Variants in TRPC6 observed in about 807,000 individuals in gnomAD.
TRPC6 encodes the protein transient receptor potential cation channel subfamily C member 6.
In TRPC6, 55 loss-of-function variants were observed where a neutral mutation model predicts 90.7. The observed-to-expected ratio is 0.61, with a 90% CI of 0.49 to 0.76. The LOEUF (loss-of-function observed/expected upper bound fraction) is 0.76. Ranked by LOEUF, TRPC6 falls within the 30% of genes least tolerant of loss-of-function variation. The pLI is 0.00. For missense variants in TRPC6, 989 were observed against 1,122.7 expected (o/e 0.88, Z 1.70); for synonymous variants, 393 against 393.0 (o/e 1.00, Z 0.00).
At chr11:101,573,701 C>G (rs1212674583) in intron 1 of TRPC6, among the ~76,000 whole-genome samples, 1 of 152,144 alleles carries the variant, frequency 6.6e-6, no homozygotes, top group Non-Finnish European at 1.5e-5. Context: ...ACACATATTT[C>G]TCCCATTTTA....
At position 101,558,580 on chromosome 11, in the gene TRPC6, C is replaced by T. The variant is rs115197461; in HGVS notation, c.170+24754G>A. Among the ~76,000 whole-genome samples the T allele has an allele frequency of 2.2e-3, 334 of 151,368 alleles. 7 individuals are homozygous for T. The highest frequency in any genetic ancestry group is 7.6e-3 in the African/African-American group (311 of 41,126). On this transcript the variant is annotated intron_variant, in intron 1 of 12. Coordinates refer to ENST00000344327, the MANE Select transcript of TRPC6 (RefSeq NM_004621.6). ...TGATTTTTTGTGTGTTTGTTTGGGA[C>T]AGGGTCTTGCTCTGTCACCCAAGCT...
chr11:101,517,266 A>C (rs1366870093), intron 1 of TRPC6, among the ~76,000 whole-genome samples: 3 of 152,246 alleles, frequency 2.0e-5, no homozygotes, highest in African/African-American at 7.2e-5. Context: ...CCATAAAGCA[A>C]ATCTAGTTGA....
At chr11:101,458,928 A>G (rs1334228041) in intron 10 of TRPC6, among the ~76,000 whole-genome samples, 2 of 152,218 alleles carry the variant, frequency 1.3e-5, no homozygotes, top group Non-Finnish European at 2.9e-5. Flanking sequence ...CATAAGCCAT[A>G]TGAGTTGGGT....
At chr11:101,513,593 T>C (rs977077529) in intron 1 of TRPC6, among the ~76,000 whole-genome samples, 2 of 151,626 alleles carry the variant, frequency 1.3e-5, no homozygotes, top group African/African-American at 4.9e-5. Context: ...AAAAAAATGG[T>C]AAGTGTATTT....
At chr11:101,537,100 A>G (rs1368837960) in intron 1 of TRPC6, among the ~76,000 whole-genome samples, 10 of 152,238 alleles carry the variant, frequency 6.6e-5, no homozygotes, top group Admixed American at 6.5e-4. Context: ...CATTTGGAGT[A>G]CTTTGGGATA....
intron 1 of TRPC6, among the ~76,000 whole-genome samples, chr11:101,564,518 A>G (rs1475540560): frequency 6.6e-6 from 1 of 152,166 alleles, no homozygotes; most frequent in Non-Finnish European, 1.5e-5. Context: ...TGGAGGCATC[A>G]TTGTCTTCCT....
At chr11:101,545,890 T>G (rs1861291247) in intron 1 of TRPC6, among the ~76,000 whole-genome samples, 1 of 152,086 alleles carries the variant, frequency 6.6e-6, no homozygotes, top group South Asian at 2.1e-4. Context: ...TTCTGGTGTT[T>G]TCTGGTTTTC....
chr11:101,573,883 A>AAAAAATCAGAAACCGTCTGAACTATCCTG (rs1555015109), intron 1 of TRPC6, among the ~76,000 whole-genome samples: 20 of 150,362 alleles, frequency 1.3e-4, no homozygotes, highest in African/African-American at 3.2e-4. Flanking sequence ...AATCCTGGGA[A>AAAAAATCAGAAACCGTCTGAACTATCCTG]CAGTAGTGAA....
intron 3 of TRPC6, 57 bp from the exon 4 acceptor site, chr11:101,489,158 G>T: frequency 1.4e-6 from 2 of 1,477,282 alleles, no homozygotes; most frequent in South Asian, 2.3e-5. Flanking sequence ...CAGCATAAAC[G>T]ATTTTCATGT....
chr11:101,573,849 G>A (rs1339311089), intron 1 of TRPC6, among the ~76,000 whole-genome samples: 2 of 151,838 alleles, frequency 1.3e-5, no homozygotes, highest in Non-Finnish European at 2.9e-5. Flanking sequence ...CAGAGTTTCA[G>A]AATGAATGGC....
At chr11:101,574,074 C>G (rs10895146) in intron 1 of TRPC6, among the ~76,000 whole-genome samples, 53,837 of 150,152 alleles carry the variant, frequency 0.36, 11,139 homozygotes, top group Non-Finnish European at 0.45. Context: ...TAATTGCAAA[C>G]TCAGTTTAAT....
intron 1 of TRPC6, among the ~76,000 whole-genome samples, chr11:101,571,150 C>G (rs1861955083): frequency 6.6e-6 from 1 of 152,192 alleles, no homozygotes; most frequent in Non-Finnish European, 1.5e-5. Flanking sequence ...TCTCCTTAAG[C>G]TGATAAGCAA....
intron 2 of TRPC6, among the ~76,000 whole-genome samples, chr11:101,503,479 G>C (rs930022948): frequency 3.3e-5 from 5 of 152,108 alleles, no homozygotes; most frequent in Non-Finnish European, 7.3e-5. Flanking sequence ...AACTTCTACA[G>C]TATGTTGCTT....
At chr11:101,495,500 A>G (rs913586361) in intron 2 of TRPC6, among the ~76,000 whole-genome samples, 2 of 151,688 alleles carry the variant, frequency 1.3e-5, no homozygotes, top group African/African-American at 4.8e-5. Flanking sequence ...AAAAGGGAAT[A>G]ATATTAGTAC....
In TRPC6 at chr11:101,469,450, T is replaced by C; in HGVS notation, c.2461A>G (p.Lys821Glu). Reference protein sequence around the residue: ...GILGSHEDLSKLSLDKKQVGH... With the variant: ...GILGSHEDLSELSLDKKQVGH... ...ACCTGTTTTTTGTCAAGTGATAATT[T>C]TGAAAGGTCTTCATGACTTCCTAAA... The change falls in exon 10 of 13, where the codon AAA (lysine) becomes GAA (glutamate). Residue 821 changes from lysine (K) to glutamate (E), a missense_variant. Lys to Glu is a moderately conservative substitution (Grantham distance 56, BLOSUM62 1). Around this residue, in one of 4 missense-constraint regions of TRPC6, gnomAD observed 191 missense variants for 196.7 expected, o/e 0.97. Coordinates refer to ENST00000344327, the MANE Select transcript of TRPC6 (RefSeq NM_004621.6). The C allele has an allele frequency of 2.6e-6, 2 of 773,306 alleles. No homozygotes were observed. Among genetic ancestry groups the C allele is most frequent in the Non-Finnish European group, 4.8e-6 (2 of 413,982 alleles). 47.9% of individuals were successfully genotyped at this position (773,306 alleles called of 1,614,324 possible).
At chr11:101,512,307 G>A (rs1356397328) in intron 1 of TRPC6, among the ~76,000 whole-genome samples, 1 of 152,138 alleles carries the variant, frequency 6.6e-6, no homozygotes, top group East Asian at 1.9e-4. Context: ...ACTTTCAGTT[G>A]GGAGCCAGCA....
chr11:101,515,862 A>C (rs1231759775), intron 1 of TRPC6, among the ~76,000 whole-genome samples: 1 of 152,166 alleles, frequency 6.6e-6, no homozygotes, highest in Non-Finnish European at 1.5e-5. Context: ...TTGTAGGTAC[A>C]CATATATTAA....
At chr11:101,545,287 A>G (rs1861276135) in intron 1 of TRPC6, among the ~76,000 whole-genome samples, 1 of 152,190 alleles carries the variant, frequency 6.6e-6, no homozygotes, top group African/African-American at 2.4e-5. Flanking sequence ...TTTACATCGT[A>G]TTAGGTTTTG....
chr11:101,475,322 G>T (rs1430555425), intron 6 of TRPC6, among the ~76,000 whole-genome samples: 1 of 151,754 alleles, frequency 6.6e-6, no homozygotes, highest in Non-Finnish European at 1.5e-5. Context: ...ATATCTATGG[G>T]GCACAACTTG....
Sources: allele counts gnomAD v4.1 joint callset (sites outside exome capture counted in the v4.1 genomes callset), GRCh38; gene constraint gnomAD v4.1.1; regional missense constraint gnomAD v4.1.1; transcripts MANE v1.5; gene names NCBI Gene and HGNC (gene_info 2026-07-23, HGNC 2026-07-21).